Variants in SLC2A10 observed in about 807,000 individuals in gnomAD.
The protein encoded by SLC2A10 is solute carrier family 2, facilitated glucose transporter member 10.
SLC2A10 carries 25 observed loss-of-function variants against 32.1 expected under a neutral mutation model. The observed-to-expected ratio is 0.78, with a 90% CI of 0.57 to 1.09. The LOEUF is 1.09. Ranked by LOEUF, SLC2A10 falls within the 50% of genes least tolerant of loss-of-function variation. The probability of loss-of-function intolerance (pLI) is 0.00; values close to 1 mark genes in which losing one functional copy is unlikely to be tolerated. For synonymous variants in SLC2A10, 332 were observed against 309.6 expected, an observed-to-expected ratio of 1.07 and a Z score of -0.76; for missense variants, 673 against 686.5, an observed-to-expected ratio of 0.98 and a Z score of 0.22.
intron 3 of SLC2A10, among the ~76,000 whole-genome samples, chr20:46,728,761 G>T (rs543824218): frequency 5.3e-5 from 8 of 151,988 alleles, no homozygotes; most frequent in African/African-American, 1.9e-4. Context: ...GGGGCTACAG[G>T]TGTGTGCCAC....
At chr20:46,730,608 C>T (rs1362690882) in intron 4 of SLC2A10, among the ~76,000 whole-genome samples, 1 of 152,112 alleles carries the variant, frequency 6.6e-6, no homozygotes. Flanking sequence ...GTGCAAGGAA[C>T]AACAAGGAAG....
Position 46,725,844 on chromosome 20 carries a change from G to A in SLC2A10, c.808G>A (p.Val270Met), listed in dbSNP as rs749220947. The change falls in exon 2 of 5, where the codon GTG (valine) becomes ATG (methionine). Residue 270 changes from valine to methionine, a missense_variant. Coordinates refer to ENST00000359271, the MANE Select transcript of SLC2A10 (RefSeq NM_030777.4). ...TGGTTTCCATGGGGGATCCTCAGCC[G>A]TGCTGGCCTCTGTGGGGCTTGGCGC... The part of the protein sequence containing the change: ...SVGFHGGSSA[V>M]LASVGLGAVK... The A allele has an allele frequency of 7.8e-5, 126 of 1,614,130 alleles. No homozygotes were observed. Among genetic ancestry groups the A allele is most frequent in the East Asian group, 1.6e-4 (7 of 44,896 alleles).
Position 46,733,872 on chromosome 20 carries a change from T to C in SLC2A10, c.*38T>C. 1.3e-6 allele frequency: 2 copies of C among 1,591,762 alleles called. No homozygotes were observed. Among genetic ancestry groups the C allele is most frequent in the Non-Finnish European group, 1.7e-6 (2 of 1,160,232 alleles). ...CCTGGAAATTCTGGAACTGTGGCTT[T>C]GGCAGACCATCTCCAGCATCCTGCT... On this transcript the variant is annotated 3_prime_UTR_variant, in exon 5 of 5. Transcript: ENST00000359271.
At chr20:46,724,627 T>TTGGATGGATGGA (rs112083429) in intron 1 of SLC2A10, among the ~76,000 whole-genome samples, 3 of 134,954 alleles carry the variant, frequency 2.2e-5, no homozygotes, top group Non-Finnish European at 4.8e-5. Flanking sequence ...TGGATGGTGG[T>TTGGATGGATGGA]TGGATGGATG....
intron 1 of SLC2A10, among the ~76,000 whole-genome samples, chr20:46,713,667 C>T (rs1194335813): frequency 6.6e-6 from 1 of 152,180 alleles, no homozygotes. Context: ...TCCCAGAATC[C>T]TTCTGGCTGC....
At chr20:46,727,081 G>A (rs1284882724) in intron 3 of SLC2A10, 95 bp downstream of exon 3, 19 of 1,448,618 alleles carry the variant, frequency 1.3e-5, no homozygotes, top group Non-Finnish European at 1.8e-5. Context: ...ATTAGCTGCA[G>A]AACTATTATT....
At position 46,733,808 on chromosome 20, in the gene SLC2A10, C is replaced by T. The variant is rs142577271; in HGVS notation, c.1600C>T (p.Arg534Cys). 7.9e-5 allele frequency: 127 copies of T among 1,614,038 alleles called. No homozygotes were observed. The highest frequency in any genetic ancestry group is 2.8e-4 in the African/African-American group (21 of 74,930). The change falls in exon 5 of 5, where the codon CGC (arginine) becomes TGC (cysteine). Residue 534 changes from arginine to cysteine, a missense_variant. Physicochemically the swap from Arg to Cys is radical, Grantham distance 180 (BLOSUM62 -3). Coordinates refer to ENST00000359271, the MANE Select transcript of SLC2A10 (RefSeq NM_030777.4). ...GAACTCCACTGGCATCCCGTACAGC[C>T]GCATCGAGATCTCTGCGGCCTCCTG... ...RQNSTGIPYS[R>C]IEISAAS
rs143235900 is a variant in SLC2A10, at chr20:46,725,989, G to A, written c.953G>A (p.Ser318Asn). ...TCCGTCAGTGGCATAGGCCTCGTCA[G>A]CTTTGCCGTGCCCATGGACTCAGGC... ...ALSVSGIGLV[S>N]FAVPMDSGPS... Residue 318 changes from serine to asparagine, a missense_variant, in exon 2 of 5, where the codon AGC becomes AAC. By Grantham distance (46) the Ser-to-Asn change is conservative. Transcript: ENST00000359271. The A allele has an allele frequency of 6.2e-7, 1 of 1,613,888 alleles. No homozygotes were observed. The highest frequency in any genetic ancestry group is 1.3e-5 in the African/African-American group (1 of 75,064).
chr20:46,719,184 G>GA (rs1419454995), intron 1 of SLC2A10, among the ~76,000 whole-genome samples: 53 of 148,320 alleles, frequency 3.6e-4, no homozygotes, highest in Admixed American at 6.0e-4. Flanking sequence ...GCCATGGTTG[G>GA]AAAAAAAAAA....
At position 46,731,433 on chromosome 20, in the gene SLC2A10, T is replaced by C. The variant is rs535816345; in HGVS notation, c.1547+1945T>C. Among the ~76,000 whole-genome samples, 9 of 152,346 alleles carry C rather than the reference T, an allele frequency of 5.9e-5. 1 individual carries two copies. The East Asian group carries it at 1.7e-3, about 29-fold the overall frequency. On this transcript the variant is annotated intron_variant, in intron 4 of 4. Transcript: ENST00000359271. ...AGCTAAAAATCGAGGGTTCTGTTAC[T>C]AGACAGCTGCCTGGCATCTCTGCCA...
At chr20:46,723,703 C>G (rs1979685310) in intron 1 of SLC2A10, among the ~76,000 whole-genome samples, 1 of 152,172 alleles carries the variant, frequency 6.6e-6, no homozygotes, top group Non-Finnish European at 1.5e-5. Flanking sequence ...CTGCCTATTT[C>G]TCCTGCCTCA....
chr20:46,729,303 G>A (rs1029458189), intron 3 of SLC2A10, 50 bp from the exon 4 acceptor site: 1 of 1,611,692 alleles, frequency 6.2e-7, no homozygotes, highest in Non-Finnish European at 8.5e-7. Flanking sequence ...CCAGGCTGCG[G>A]GGCCAGAGTG....
At chr20:46,722,403 A>C (rs1212294735) in intron 1 of SLC2A10, among the ~76,000 whole-genome samples, 2 of 152,244 alleles carry the variant, frequency 1.3e-5, no homozygotes, top group Non-Finnish European at 2.9e-5. Context: ...CCTGACCTCC[A>C]GAAAGTATTC....
At chr20:46,723,490 T>G (rs1979675171) in intron 1 of SLC2A10, among the ~76,000 whole-genome samples, 1 of 152,232 alleles carries the variant, frequency 6.6e-6, no homozygotes, top group African/African-American at 2.4e-5. Flanking sequence ...ATTCACCTCA[T>G]TTAGCATCTC....
At chr20:46,717,245 A>G (rs995734432) in intron 1 of SLC2A10, among the ~76,000 whole-genome samples, 1 of 152,224 alleles carries the variant, frequency 6.6e-6, no homozygotes, top group Non-Finnish European at 1.5e-5. Context: ...AACCCACCCC[A>G]TAATTGATCC....
rs768848335 is a variant in SLC2A10, at chr20:46,726,326, T to C, written c.1288+2T>C. On this transcript the variant is annotated splice_donor_variant, in intron 2 of 4. Transcript: ENST00000359271. LOFTEE classifies it high-confidence loss of function. ...CCTTCTCCTTTGGGTTTGGGCCAGG[T>C]AAGTGGAGTTTTCTTGCAGGTGACT... 7 of 1,606,908 alleles carry C rather than the reference T, an allele frequency of 4.4e-6. No homozygotes were observed. Among genetic ancestry groups the C allele is most frequent in the Non-Finnish European group, 5.9e-6 (7 of 1,179,970 alleles).
At chr20:46,731,099 G>T (rs1980273115) in intron 4 of SLC2A10, among the ~76,000 whole-genome samples, 1 of 152,174 alleles carries the variant, frequency 6.6e-6, no homozygotes, top group South Asian at 2.1e-4. Flanking sequence ...TTAGGAAATC[G>T]ATTTGGCTGC....
At chr20:46,716,711 T>C (rs1012517254) in intron 1 of SLC2A10, among the ~76,000 whole-genome samples, 1 of 150,988 alleles carries the variant, frequency 6.6e-6, no homozygotes, top group Non-Finnish European at 1.5e-5. Flanking sequence ...CTAATATAAA[T>C]AAAATAAAAT....
At chr20:46,719,113 A>T (rs988888186) in intron 1 of SLC2A10, among the ~76,000 whole-genome samples, 11 of 150,418 alleles carry the variant, frequency 7.3e-5, no homozygotes, top group African/African-American at 2.4e-4. Context: ...CTCCATGTAT[A>T]TTTGGGCGGA....
Sources: allele counts gnomAD v4.1 joint callset (sites outside exome capture counted in the v4.1 genomes callset), GRCh38; gene constraint gnomAD v4.1.1; transcripts MANE v1.5; gene names NCBI Gene and HGNC (gene_info 2026-07-23, HGNC 2026-07-21).